The following PLXNC1 variants were observed in gnomAD, a reference collection of about 807,000 sequenced individuals.
PLXNC1 encodes plexin C1.
In PLXNC1, 75 loss-of-function variants were observed where a neutral mutation model predicts 178.2. The observed-to-expected ratio is 0.42, with a 90% CI of 0.35 to 0.51. The LOEUF (loss-of-function observed/expected upper bound fraction) is 0.51, where lower values mean the gene tolerates loss of function less well. Ranked by LOEUF, PLXNC1 falls within the 20% of genes least tolerant of loss-of-function variation. PLXNC1 has a pLI of 0.02. For missense variants in PLXNC1, 1,503 were observed against 1,984.4 expected, an observed-to-expected ratio of 0.76 and a Z score of 4.61; for synonymous variants, 790 against 779.9, an observed-to-expected ratio of 1.01 and a Z score of -0.22.
At chr12:94,288,039 T>C (rs1966881263) in intron 23 of PLXNC1, among the ~76,000 whole-genome samples, 1 of 152,222 alleles carries the variant, frequency 6.6e-6, no homozygotes, top group Non-Finnish European at 1.5e-5. Context: ...ACTGTGGCTC[T>C]GCGCAGGGCC....
chr12:94,257,603 G>C (rs946949083), intron 17 of PLXNC1, among the ~76,000 whole-genome samples: 1 of 152,152 alleles, frequency 6.6e-6, no homozygotes, highest in South Asian at 2.1e-4. Flanking sequence ...GTGAAACCCC[G>C]TCTGTACTAA....
At chr12:94,264,217 A>G (rs1218213776) in intron 20 of PLXNC1, among the ~76,000 whole-genome samples, 2 of 151,908 alleles carry the variant, frequency 1.3e-5, no homozygotes, top group Admixed American at 1.3e-4. Context: ...AACAGAACAC[A>G]CCGCCTCCCA....
Position 94,224,298 on chromosome 12 carries a change from C to A in PLXNC1, c.1773C>A (p.Asn591Lys). 1 of 1,534,668 alleles carries A rather than the reference C, an allele frequency of 6.5e-7. No individual in the cohort carries two copies. Among genetic ancestry groups the A allele is most frequent in the Non-Finnish European group, 9.0e-7 (1 of 1,107,600 alleles). The change falls in exon 7 of 31, where the codon AAC (asparagine) becomes AAA (lysine). Residue 591 changes from asparagine to lysine, a missense_variant. Physicochemically the swap from Asn to Lys is moderately conservative, Grantham distance 94. This residue lies in a region of PLXNC1 where 615 missense variants were observed against 698.6 expected (regional missense o/e 0.88). Coordinates refer to ENST00000258526, the MANE Select transcript of PLXNC1 (RefSeq NM_005761.3). ...WNLSDRFNFT[N>K]CSSLKECPAC... is the part of the protein sequence containing the mutation. ...TATCAGACAGATTCAACTTTACCAA[C>A]TGCTCATCATTAAAAGAGTAAGATT... is the stretch of plus-strand genomic sequence containing the variant.
intron 1 of PLXNC1, among the ~76,000 whole-genome samples, chr12:94,154,455 C>T (rs879640191): frequency 6.6e-6 from 1 of 152,198 alleles, no homozygotes; most frequent in Non-Finnish European, 1.5e-5. Flanking sequence ...TTATTCTATA[C>T]ACATTAACTC....
At chr12:94,150,438 T>C (rs1281341595) in intron 1 of PLXNC1, among the ~76,000 whole-genome samples, 1 of 152,222 alleles carries the variant, frequency 6.6e-6, no homozygotes, top group African/African-American at 2.4e-5. Context: ...CGTGTGGGTC[T>C]GACCCTCTTG....
chr12:94,305,236 T>C lies in PLXNC1; in HGVS notation c.4658T>C (p.Leu1553Ser). The change falls in exon 31 of 31, where the codon TTG becomes TCG. Residue 1553 changes from leucine to serine, a missense_variant. Leu to Ser is a moderately radical substitution (Grantham distance 145). Transcript: ENST00000258526. Reference sequence around the variant, plus strand: ...CTGGAAGAAGCTCAGAAACAACTCTTGCATGTAAAAGTCTTATTTGATGAA... The same window carrying C: ...CTGGAAGAAGCTCAGAAACAACTCTCGCATGTAAAAGTCTTATTTGATGAA... ...RGLEEAQKQL[L>S]HVKVLFDEKK... is the part of the protein sequence containing the mutation. The C allele has an allele frequency of 6.2e-7, 1 of 1,611,770 alleles. No homozygotes were observed. Among genetic ancestry groups the C allele is most frequent in the South Asian group, 1.1e-5 (1 of 90,930 alleles).
intron 4 of PLXNC1, among the ~76,000 whole-genome samples, chr12:94,193,249 T>C (rs1411684333): frequency 6.6e-6 from 1 of 152,152 alleles, no homozygotes; most frequent in Non-Finnish European, 1.5e-5. Flanking sequence ...GTGAGTGTTT[T>C]AGAACGAGAA....
intron 5 of PLXNC1, among the ~76,000 whole-genome samples, chr12:94,216,268 C>CA (rs11368474): frequency 0.58 from 84,018 of 145,498 alleles, 25,083 homozygotes; most frequent in East Asian, 0.85. Context: ...AACTGTGTCT[C>CA]AAAAAAAAAA....
chr12:94,287,201 G>C (rs1364435425), intron 23 of PLXNC1, among the ~76,000 whole-genome samples: 1 of 152,210 alleles, frequency 6.6e-6, no homozygotes, highest in Non-Finnish European at 1.5e-5. Context: ...TGCAGACAAA[G>C]GGTTAAGCGT....
intron 2 of PLXNC1, among the ~76,000 whole-genome samples, chr12:94,173,448 C>A (rs1961922332): frequency 6.6e-6 from 1 of 152,154 alleles, no homozygotes; most frequent in Admixed American, 6.5e-5. Flanking sequence ...GATAAGAAGG[C>A]AATGGGCAAG....
At position 94,260,875 on chromosome 12, in the gene PLXNC1, A is replaced by G; in HGVS notation, c.3450+35A>G. 2 of 1,577,758 alleles carry G rather than the reference A, an allele frequency of 1.3e-6. No homozygotes were observed. The highest frequency in any genetic ancestry group is 2.2e-5 in the South Asian group (2 of 89,998). ...ACATCCCTCAGCAATGTCAGAGGTA[A>G]GACAATAGGCAGTTATTTTTAGCGG... On this transcript the variant is annotated intron_variant, in intron 20 of 30. Coordinates refer to ENST00000258526, the MANE Select transcript of PLXNC1 (RefSeq NM_005761.3). This position sits in a 1 kb window ranked among gnomAD's most constrained non-coding sequence, Gnocchi z 4.4.
intron 2 of PLXNC1, among the ~76,000 whole-genome samples, chr12:94,177,892 C>G (rs1269854805): frequency 1.3e-5 from 2 of 152,142 alleles, no homozygotes; most frequent in African/African-American, 4.8e-5. Context: ...GTCGTTTCAC[C>G]TCAACATATT....
chr12:94,216,065 A>C (rs2136013037), intron 5 of PLXNC1, among the ~76,000 whole-genome samples: 1 of 152,300 alleles, frequency 6.6e-6, no homozygotes, highest in African/African-American at 2.4e-5. Context: ...CAGGAGTTTG[A>C]GACCAGCCTG....
chr12:94,293,794 A>AT (rs539451459), intron 23 of PLXNC1, among the ~76,000 whole-genome samples: 1 of 151,932 alleles, frequency 6.6e-6, no homozygotes, highest in African/African-American at 2.4e-5. Context: ...AATTAAAAAA[A>AT]TTTTTTTTAT....
At chr12:94,225,545 G>A (rs17022262) in intron 7 of PLXNC1, among the ~76,000 whole-genome samples, 37,501 of 152,044 alleles carry the variant, frequency 0.25, 4,844 homozygotes, top group East Asian at 0.42. Flanking sequence ...TAGGAAAAAA[G>A]GGTGTGAATT....
chr12:94,255,078 T>C, intron 16 of PLXNC1, 115 bp from the exon 17 acceptor site: 1 of 949,176 alleles, frequency 1.1e-6, no homozygotes, highest in South Asian at 1.5e-5. Context: ...AGTCATTATC[T>C]ATTGTTTCTT....
chr12:94,298,748 C>CA lies in PLXNC1; in HGVS notation c.4198dup (p.Ile1400AsnfsTer5), dbSNP rs1555212337. 2 of 1,611,592 alleles carry CA rather than the reference C, an allele frequency of 1.2e-6. No individual in the cohort carries two copies. The highest frequency in any genetic ancestry group is 1.7e-6 in the Non-Finnish European group (2 of 1,179,370). On this transcript the variant is annotated frameshift_variant, in exon 27 of 31. Coordinates refer to ENST00000258526, the MANE Select transcript of PLXNC1 (RefSeq NM_005761.3). LOFTEE classifies it high-confidence loss of function. ...ACTTTTTGGACGCCCAGGCTGAAAA[C>CA]AAAAAAATCACAGATCCTGACGTCG... is the stretch of plus-strand genomic sequence containing the variant.
chr12:94,259,256 C>T lies in PLXNC1; in HGVS notation c.3088-81C>T, dbSNP rs751503207. 86 of 1,024,326 alleles carry T rather than the reference C, an allele frequency of 8.4e-5. 1 individual carries two copies. Among genetic ancestry groups the T allele is most frequent in the South Asian group, 6.0e-4 (43 of 71,692 alleles). 63.5% of individuals were successfully genotyped at this position (1,024,326 alleles called of 1,614,324 possible). On this transcript the variant is annotated intron_variant, in intron 17 of 30. Coordinates refer to ENST00000258526, the MANE Select transcript of PLXNC1 (RefSeq NM_005761.3). ...AAATAGTGTCTCTACTTTATTAAAA[C>T]GGACTTGGGTATTATAACAAAAATA...
intron 20 of PLXNC1, among the ~76,000 whole-genome samples, chr12:94,263,619 TG>T (rs1292065016): frequency 1.1e-4 from 16 of 150,536 alleles, no homozygotes; most frequent in African/African-American, 3.7e-4. Context: ...TTACTTGGGG[TG>T]GGGGAGGTGG....
Sources: allele counts gnomAD v4.1 joint callset (sites outside exome capture counted in the v4.1 genomes callset), GRCh38; gene constraint gnomAD v4.1.1; regional missense constraint gnomAD v4.1.1; non-coding constraint Gnocchi (gnomAD v3.1); transcripts MANE v1.5; gene names NCBI Gene and HGNC (gene_info 2026-07-23, HGNC 2026-07-21).